DIP2A: variants seen among roughly 807,000 people sequenced by gnomAD.
The protein encoded by DIP2A is DIP2 acetate--CoA ligase A.
Under a neutral mutation model 177.4 loss-of-function variants are expected in DIP2A, and 85 were observed. The observed-to-expected ratio is 0.48, with a 90% CI of 0.40 to 0.57. The LOEUF is 0.57. DIP2A is among the 20% of genes least tolerant of loss of function. DIP2A has a pLI of 0.00. For missense variants in DIP2A, 1,791 were observed against 2,100.2 expected, an observed-to-expected ratio of 0.85 and a Z score of 2.88; for synonymous variants, 886 against 881.8, an observed-to-expected ratio of 1.00 and a Z score of -0.08.
chr21:46,521,846 A>C (rs1303356612), intron 8 of DIP2A, among the ~76,000 whole-genome samples: 1 of 152,234 alleles, frequency 6.6e-6, no homozygotes, highest in African/African-American at 2.4e-5. Flanking sequence ...TATTCTATCC[A>C]ACTGAAAATA....
intron 9 of DIP2A, 91 bp downstream of exon 9, chr21:46,529,274 T>G: frequency 2.4e-6 from 2 of 843,354 alleles, no homozygotes; most frequent in East Asian, 5.7e-5. Flanking sequence ...ATCATTTAGT[T>G]AGAATTACAG....
At chr21:46,554,109 C>A in intron 25 of DIP2A, 60 bp from the exon 26 acceptor site, 3 of 1,536,864 alleles carry the variant, frequency 2.0e-6, no homozygotes, top group Non-Finnish European at 8.8e-7. Context: ...GCACGCAGAT[C>A]TGCGAACAGC....
intron 21 of DIP2A, among the ~76,000 whole-genome samples, chr21:46,547,656 CTTTTTTTTTTTTT>C (rs10672432): frequency 4.7e-4 from 36 of 76,392 alleles, no homozygotes; most frequent in African/African-American, 1.9e-3. Flanking sequence ...AAGGGGGTGC[CTTTTTTTTTTTTT>C]TTTTTTTTTT....
intron 1 of DIP2A, among the ~76,000 whole-genome samples, chr21:46,479,374 A>T (rs2056169913): frequency 6.6e-6 from 1 of 152,236 alleles, no homozygotes; most frequent in South Asian, 2.1e-4. Flanking sequence ...GTATGTATTC[A>T]GTTTAATGAA....
At chr21:46,468,456 C>G (rs2055055147) in intron 1 of DIP2A, among the ~76,000 whole-genome samples, 1 of 151,018 alleles carries the variant, frequency 6.6e-6, no homozygotes, top group South Asian at 2.1e-4. Context: ...AGAACAAATC[C>G]TACACAAGCC....
At chr21:46,471,324 C>G (rs1364440691) in intron 1 of DIP2A, among the ~76,000 whole-genome samples, 1 of 152,128 alleles carries the variant, frequency 6.6e-6, no homozygotes, top group Non-Finnish European at 1.5e-5. Flanking sequence ...AGCCACTGTG[C>G]CTGGCCTTAT....
intron 2 of DIP2A, among the ~76,000 whole-genome samples, chr21:46,486,997 A>G (rs903403847): frequency 2.6e-5 from 4 of 152,198 alleles, no homozygotes; most frequent in African/African-American, 4.8e-5. Flanking sequence ...AAAGACGCCA[A>G]ACCGATCTGT....
intron 8 of DIP2A, among the ~76,000 whole-genome samples, chr21:46,521,073 G>A (rs1354038898): frequency 6.6e-6 from 1 of 152,080 alleles, no homozygotes; most frequent in Non-Finnish European, 1.5e-5. Context: ...TTTTTAAAAG[G>A]CAAAATCCTT....
intron 1 of DIP2A, among the ~76,000 whole-genome samples, chr21:46,472,146 TATAAG>T (rs887063676): frequency 2.0e-5 from 3 of 152,084 alleles, no homozygotes; most frequent in Admixed American, 2.0e-4. Context: ...CTGGTGTCCT[TATAAG>T]AAGAGGAGGA....
the DIP2A span, among the ~76,000 whole-genome samples, chr21:46,575,262 A>G: frequency 6.6e-6 from 1 of 152,170 alleles, no homozygotes; most frequent in Middle Eastern, 3.2e-3. Flanking sequence ...AACTAGGAAT[A>G]AAAGGAAACT....
At chr21:46,503,571 TCTTCCTTCCTTC>T (rs911345370) in intron 5 of DIP2A, among the ~76,000 whole-genome samples, 12 of 83,760 alleles carry the variant, frequency 1.4e-4, no homozygotes, top group South Asian at 4.7e-4. Flanking sequence ...TGAGGGAATT[TCTTCCTTCCTTC>T]CTTCCTTCCT....
chr21:46,505,618 T>G (rs1396565434), intron 6 of DIP2A, among the ~76,000 whole-genome samples: 1 of 152,038 alleles, frequency 6.6e-6, no homozygotes, highest in Non-Finnish European at 1.5e-5. Flanking sequence ...TCAAAAGTTT[T>G]AAGACATTTG....
chr21:46,479,568 C>G (rs1193360389), intron 1 of DIP2A, among the ~76,000 whole-genome samples: 9 of 152,136 alleles, frequency 5.9e-5, no homozygotes, highest in Non-Finnish European at 5.9e-5. Flanking sequence ...TTCTGCTATT[C>G]AAGCTGGAGT....
At chr21:46,511,223 A>G (rs1029261) in intron 7 of DIP2A, among the ~76,000 whole-genome samples, 194 bp from the exon 8 acceptor site, 5,501 of 152,334 alleles carry the variant, frequency 0.036, 144 homozygotes, top group Middle Eastern at 0.082. Context: ...CACAGCCGTC[A>G]TCATCCATGA....
intron 2 of DIP2A, among the ~76,000 whole-genome samples, chr21:46,489,774 G>C (rs2056901374): frequency 6.6e-6 from 1 of 152,202 alleles, no homozygotes; most frequent in African/African-American, 2.4e-5. Flanking sequence ...CACAGCTGCA[G>C]GTTTTGCTTT....
intron 1 of DIP2A, among the ~76,000 whole-genome samples, chr21:46,475,314 T>C (rs1375721930): frequency 6.6e-6 from 1 of 152,262 alleles, no homozygotes. Context: ...TTATTACCTA[T>C]TTATACACAA....
intron 33 of DIP2A, 142 bp from the exon 34 acceptor site, chr21:46,561,606 C>T: frequency 1.8e-6 from 2 of 1,114,076 alleles, no homozygotes; most frequent in Non-Finnish European, 2.7e-6. Flanking sequence ...CCATTCATGG[C>T]AGGTGTGCTG....
intron 18 of DIP2A, 41 bp from the exon 19 acceptor site, chr21:46,545,096 A>G (rs1317592691): frequency 1.3e-6 from 2 of 1,550,782 alleles, no homozygotes; most frequent in Non-Finnish European, 1.8e-6. Context: ...GATCCATTTA[A>G]ACACGTTCTT....
chr21:46,540,336 G>T (rs2059761531), intron 17 of DIP2A, among the ~76,000 whole-genome samples: 1 of 152,138 alleles, frequency 6.6e-6, no homozygotes, highest in Non-Finnish European at 1.5e-5. Context: ...TGGAGTCTGT[G>T]GGAACCACTG....
Sources: allele counts gnomAD v4.1 joint callset (sites outside exome capture counted in the v4.1 genomes callset), GRCh38; gene constraint gnomAD v4.1.1; transcripts MANE v1.5; gene names NCBI Gene and HGNC (gene_info 2026-07-23, HGNC 2026-07-21).